The following FYB2 variants were observed in gnomAD, a reference collection of about 807,000 sequenced individuals.
FYB2 encodes FYN binding protein 2, also known as FYN-binding protein 2.
In FYB2, 103 loss-of-function variants were observed where a neutral mutation model predicts 94.1. The ratio of observed to expected loss-of-function variants is 1.09; its 90% CI spans 0.93 to 1.29. The LOEUF (loss-of-function observed/expected upper bound fraction) is 1.29, where lower values mean the gene tolerates loss of function less well. Among genes scored for constraint, FYB2 ranks in the 50% most tolerant of loss-of-function variants. The pLI is 0.00. For missense variants in FYB2, 896 were observed against 841.5 expected (o/e 1.06, Z -0.80); for synonymous variants, 293 against 287.9 (o/e 1.02, Z -0.18).
At chr1:56,750,008 T>G (rs1344162449) in intron 9 of FYB2, among the ~76,000 whole-genome samples, 2 of 152,034 alleles carry the variant, frequency 1.3e-5, no homozygotes, top group African/African-American at 4.8e-5. Context: ...GAAGTTTGAT[T>G]AATCCTTTCA....
Position 56,752,930 on chromosome 1 carries a change from C to T in FYB2, c.1227+909G>A, listed in dbSNP as rs77965916. 2.3e-4 allele frequency among the ~76,000 whole-genome samples: 35 copies of T among 152,218 alleles called. No homozygotes were observed. The East Asian group carries it at 6.4e-3, about 28-fold the overall frequency. On this transcript the variant is annotated intron_variant, in intron 8 of 19. Coordinates refer to ENST00000343433, the MANE Select transcript of FYB2 (RefSeq NM_001004303.5). ...TCTCTAACTTGACAGCCATTGATGG[C>T]TTGGCTTTCACACCCAGTGCTGCTC...
chr1:56,723,204 GACACACACACACACACACACGC>G (rs1644519343), intron 17 of FYB2, among the ~76,000 whole-genome samples: 1 of 149,308 alleles, frequency 6.7e-6, no homozygotes, highest in South Asian at 2.1e-4. Context: ...AAGATTCACA[GACACACACACACACACACACGC>G]ACACACACAC....
chr1:56,810,425 A>G (rs1336971298), intron 1 of FYB2, among the ~76,000 whole-genome samples: 1 of 152,038 alleles, frequency 6.6e-6, no homozygotes, highest in East Asian at 1.9e-4. Flanking sequence ...GCAGCTAACA[A>G]TGCTAGTACA....
At chr1:56,725,758 G>A (rs1238727932) in intron 16 of FYB2, among the ~76,000 whole-genome samples, 1 of 152,020 alleles carries the variant, frequency 6.6e-6, no homozygotes, top group Non-Finnish European at 1.5e-5. Context: ...AGACACTAAT[G>A]TCTGGTTTCC....
At chr1:56,822,050 C>A (rs1241457431), upstream of FYB2, among the ~76,000 whole-genome samples, 1 of 152,268 alleles carries the variant, frequency 6.6e-6, no homozygotes, top group African/African-American at 2.4e-5. Context: ...ATCTTACTGG[C>A]CTAAAGCCAG....
At chr1:56,739,628 C>T (rs1050208452) in intron 13 of FYB2, among the ~76,000 whole-genome samples, 8 of 152,092 alleles carry the variant, frequency 5.3e-5, no homozygotes. Flanking sequence ...AATGGTTTGA[C>T]TCCCAATTTT....
At chr1:56,761,086 C>T (rs989379702) in intron 5 of FYB2, among the ~76,000 whole-genome samples, 4 of 152,168 alleles carry the variant, frequency 2.6e-5, no homozygotes, top group Non-Finnish European at 5.9e-5. Context: ...CAGCAATCCT[C>T]CAACTGCTAG....
intron 5 of FYB2, among the ~76,000 whole-genome samples, chr1:56,762,360 A>G (rs1165557591): frequency 6.6e-6 from 1 of 152,188 alleles, no homozygotes; most frequent in Non-Finnish European, 1.5e-5. Context: ...CTTCCGATCC[A>G]TAAACATGGT....
At chr1:56,819,194 G>A in intron 1 of FYB2, 88 bp downstream of exon 1, 1 of 1,487,674 alleles carries the variant, frequency 6.7e-7, no homozygotes. Context: ...CACACAAGCA[G>A]TTTTTCCCCA....
intron 1 of FYB2, among the ~76,000 whole-genome samples, chr1:56,803,890 C>G (rs1412290433): frequency 6.6e-6 from 1 of 152,182 alleles, no homozygotes; most frequent in Non-Finnish European, 1.5e-5. Flanking sequence ...ATGCTTCCAC[C>G]ATCAATGGCC....
intron 1 of FYB2, among the ~76,000 whole-genome samples, chr1:56,807,213 C>T (rs1191053187): frequency 6.6e-6 from 1 of 152,128 alleles, no homozygotes; most frequent in Non-Finnish European, 1.5e-5. Flanking sequence ...ATTTAAAGTG[C>T]AATTTAATGA....
chr1:56,811,217 T>C (rs1234258161), intron 1 of FYB2, among the ~76,000 whole-genome samples: 1 of 152,096 alleles, frequency 6.6e-6, no homozygotes, highest in Admixed American at 6.5e-5. Context: ...AAGCTGAAGG[T>C]TTAAAGCACA....
intron 4 of FYB2, among the ~76,000 whole-genome samples, chr1:56,769,385 A>G (rs1353079461): frequency 6.6e-6 from 1 of 152,186 alleles, no homozygotes; most frequent in Non-Finnish European, 1.5e-5. Context: ...AATGTAGCAT[A>G]GAGAGATAAA....
chr1:56,726,267 C>T (rs857137), intron 16 of FYB2, among the ~76,000 whole-genome samples: 22,416 of 151,938 alleles, frequency 0.15, 1,722 homozygotes, highest in East Asian at 0.26. Flanking sequence ...TCCTATCCAC[C>T]AAAAGTAGGG....
At chr1:56,740,096 A>G (rs1644917037) in intron 13 of FYB2, among the ~76,000 whole-genome samples, 1 of 152,076 alleles carries the variant, frequency 6.6e-6, no homozygotes, top group Admixed American at 6.6e-5. Flanking sequence ...AAATGGCAGA[A>G]CTGGTACTAG....
At chr1:56,794,077 A>G (rs1310311179) in intron 1 of FYB2, among the ~76,000 whole-genome samples, 2 of 152,248 alleles carry the variant, frequency 1.3e-5, no homozygotes, top group Non-Finnish European at 2.9e-5. Flanking sequence ...AAAGTTCTTT[A>G]TAAGAGGCTA....
At chr1:56,778,148 T>C (rs557923275) in intron 4 of FYB2, among the ~76,000 whole-genome samples, 5 of 152,126 alleles carry the variant, frequency 3.3e-5, no homozygotes, top group Non-Finnish European at 7.4e-5. Context: ...GCTCCTGCTA[T>C]GTAGAATGGT....
At chr1:56,728,380 A>T (rs1463350755) in intron 15 of FYB2, among the ~76,000 whole-genome samples, 1 of 152,106 alleles carries the variant, frequency 6.6e-6, no homozygotes, top group Non-Finnish European at 1.5e-5. Context: ...TTCTTTGTTA[A>T]CTAATTTATC....
At chr1:56,758,775 T>C in intron 5 of FYB2, 25 bp from the exon 6 acceptor site, 5 of 1,572,840 alleles carry the variant, frequency 3.2e-6, no homozygotes, top group Non-Finnish European at 4.3e-6. Flanking sequence ...AAAAAATTAT[T>C]TCAAGGCAGC....
Sources: gnomAD v4.1 joint callset for allele counts (sites outside exome capture counted in the v4.1 genomes callset) on GRCh38, gnomAD v4.1.1 for gene constraint, MANE v1.5 for transcripts, NCBI Gene and HGNC (gene_info 2026-07-23, HGNC 2026-07-21) for gene names.